CERS6: variants seen among roughly 807,000 people sequenced by gnomAD.
CERS6 encodes LAG1 homolog, ceramide synthase 6.
CERS6 carries 26 observed loss-of-function variants against 56.8 expected under a neutral mutation model. The observed-to-expected ratio is 0.46, with a 90% CI of 0.34 to 0.63. The LOEUF is 0.63. CERS6 is among the 30% of genes least tolerant of loss of function. CERS6 has a pLI of 0.01. For missense variants in CERS6, 415 were observed against 467.5 expected, an observed-to-expected ratio of 0.89 and a Z score of 1.04; for synonymous variants, 164 against 173.3, an observed-to-expected ratio of 0.95 and a Z score of 0.42.
intron 3 of CERS6, among the ~76,000 whole-genome samples, chr2:168,562,268 C>A (rs1490103357): frequency 1.3e-5 from 2 of 152,094 alleles, no homozygotes; most frequent in African/African-American, 4.8e-5. Flanking sequence ...GTGACCTTCC[C>A]CTCCACACCT....
At chr2:168,615,432 A>T (rs1462438940) in intron 3 of CERS6, among the ~76,000 whole-genome samples, 1 of 152,086 alleles carries the variant, frequency 6.6e-6, no homozygotes, top group Non-Finnish European at 1.5e-5. Flanking sequence ...GAGGCACCAG[A>T]GAAAGGTGAA....
chr2:168,691,350 T>G (rs1045590774), intron 5 of CERS6, among the ~76,000 whole-genome samples: 42 of 152,330 alleles, frequency 2.8e-4, no homozygotes, highest in African/African-American at 1.0e-3. Flanking sequence ...TTAGTTCAAC[T>G]GGTGGAAATT....
chr2:168,581,175 C>T (rs1162331443), intron 3 of CERS6, among the ~76,000 whole-genome samples: 1 of 152,100 alleles, frequency 6.6e-6, no homozygotes, highest in Non-Finnish European at 1.5e-5. Context: ...AGTGCCACTA[C>T]ACCTGGCTAA....
At chr2:168,585,464 T>C (rs991484181) in intron 3 of CERS6, among the ~76,000 whole-genome samples, 1 of 152,216 alleles carries the variant, frequency 6.6e-6, no homozygotes, top group African/African-American at 2.4e-5. Context: ...GTCAGACAGA[T>C]CTGAACTAAA....
At chr2:168,514,996 A>G (rs1694860084) in intron 1 of CERS6, among the ~76,000 whole-genome samples, 1 of 152,180 alleles carries the variant, frequency 6.6e-6, no homozygotes, top group African/African-American at 2.4e-5. Flanking sequence ...GGTTCCAGTA[A>G]TGTATGTATC....
intron 1 of CERS6, among the ~76,000 whole-genome samples, chr2:168,529,854 A>C (rs1455188298): frequency 6.6e-6 from 1 of 152,200 alleles, no homozygotes; most frequent in Non-Finnish European, 1.5e-5. Context: ...TTAAAGGATT[A>C]ATGCATTACA....
rs564313861 is a variant in CERS6, at chr2:168,564,401, A to AT, written c.407+3087dup. The stretch of plus-strand genomic sequence containing the variant: ...CCAATATGCTTTCATATGTCTCCTT[A>AT]TTTTTTTTATCTTGCATACACATAG... On this transcript the variant is annotated intron_variant, in intron 3 of 9. Transcript: ENST00000305747. Among the ~76,000 whole-genome samples, 571 of 151,882 alleles carry AT rather than the reference A, an allele frequency of 3.8e-3. 3 individuals are homozygous for AT. Among genetic ancestry groups the AT allele is most frequent in the Non-Finnish European group, 6.3e-3 (426 of 67,920 alleles).
At chr2:168,619,996 G>C (rs562458190) in intron 3 of CERS6, among the ~76,000 whole-genome samples, 1 of 131,044 alleles carries the variant, frequency 7.6e-6, no homozygotes, top group South Asian at 2.7e-4. Context: ...TGGGCATTTG[G>C]GCTGGTTCCA....
intron 8 of CERS6, among the ~76,000 whole-genome samples, chr2:168,734,930 A>G (rs1033608899): frequency 6.6e-6 from 1 of 152,232 alleles, no homozygotes; most frequent in Non-Finnish European, 1.5e-5. Flanking sequence ...ACTTGCACAT[A>G]ATCACTATCC....
intron 1 of CERS6, among the ~76,000 whole-genome samples, chr2:168,463,080 G>C (rs549585640): frequency 3.3e-5 from 5 of 152,306 alleles, no homozygotes; most frequent in Admixed American, 6.5e-5. Context: ...GTCAGGCCCT[G>C]TAAGGTGGAT....
chr2:168,561,117 T>G, intron 2 of CERS6, 75 bp from the exon 3 acceptor site: 1 of 1,507,352 alleles, frequency 6.6e-7, no homozygotes, highest in South Asian at 1.2e-5. Context: ...CTCTCAGATA[T>G]AGACAAGGGC....
At chr2:168,739,708 C>A (rs559985707) in intron 8 of CERS6, among the ~76,000 whole-genome samples, 15 of 151,946 alleles carry the variant, frequency 9.9e-5, no homozygotes, top group African/African-American at 3.6e-4. Context: ...TGACATGATG[C>A]AACTGACTCC....
chr2:168,664,073 A>G (rs1315666778), intron 4 of CERS6, among the ~76,000 whole-genome samples: 2 of 152,148 alleles, frequency 1.3e-5, no homozygotes, highest in Non-Finnish European at 2.9e-5. Context: ...CGCCCTTCTG[A>G]ACAGTTCTGA....
At position 168,530,316 on chromosome 2, in the gene CERS6, C is replaced by T. The variant is rs1292406141; in HGVS notation, c.171-17280C>T. 2.0e-5 allele frequency among the ~76,000 whole-genome samples: 3 copies of T among 152,198 alleles called. No homozygotes were observed. In the East Asian group the frequency reaches 5.8e-4, roughly 29 times the overall value. ...CATGAGAGGGGCAGACAGTATCATTCTCCATGTGCAGAGAAGATACTGCCT... is the reference window on the plus strand; with the variant it reads ...CATGAGAGGGGCAGACAGTATCATTTTCCATGTGCAGAGAAGATACTGCCT... On this transcript the variant is annotated intron_variant, in intron 1 of 9. Transcript: ENST00000305747.
intron 8 of CERS6, among the ~76,000 whole-genome samples, chr2:168,760,207 G>C (rs571859520): frequency 6.6e-6 from 1 of 152,056 alleles, no homozygotes; most frequent in Non-Finnish European, 1.5e-5. Flanking sequence ...TAACTTACAC[G>C]ATCACAAGGT....
At chr2:168,625,857 C>T (rs1684579261) in intron 3 of CERS6, among the ~76,000 whole-genome samples, 1 of 152,152 alleles carries the variant, frequency 6.6e-6, no homozygotes, top group Non-Finnish European at 1.5e-5. Flanking sequence ...TTTCGGTGCT[C>T]TTCTATCCCC....
At chr2:168,741,836 T>A (rs1683917332) in intron 8 of CERS6, among the ~76,000 whole-genome samples, 1 of 152,182 alleles carries the variant, frequency 6.6e-6, no homozygotes, top group African/African-American at 2.4e-5. Flanking sequence ...ATTCTGAGTA[T>A]TGATTCCTTG....
chr2:168,472,497 G>A (rs752097543), intron 1 of CERS6, among the ~76,000 whole-genome samples: 4 of 152,148 alleles, frequency 2.6e-5, no homozygotes, highest in Non-Finnish European at 2.9e-5. Flanking sequence ...CTTTCTTTGT[G>A]TTAAGTCTGT....
At chr2:168,535,146 G>T (rs749074341) in intron 1 of CERS6, among the ~76,000 whole-genome samples, 3 of 152,222 alleles carry the variant, frequency 2.0e-5, no homozygotes, top group African/African-American at 7.2e-5. Flanking sequence ...AGCATGTTAA[G>T]CAGTGTGAGT....
Sources: allele counts gnomAD v4.1 joint callset (sites outside exome capture counted in the v4.1 genomes callset), GRCh38; gene constraint gnomAD v4.1.1; transcripts MANE v1.5; gene names NCBI Gene and HGNC (gene_info 2026-07-23, HGNC 2026-07-21).